POLR3A: variants seen among roughly 807,000 people sequenced by gnomAD.
POLR3A encodes the protein RNA polymerase III subunit A, also known as DNA-directed RNA polymerase III subunit RPC1.
POLR3A carries 112 observed loss-of-function variants against 152.8 expected under a neutral mutation model. That is an observed-to-expected ratio of 0.73 (90% CI 0.63 to 0.86). The LOEUF is 0.86. Among genes scored for constraint, POLR3A ranks in the 40% least tolerant of loss-of-function variants. The probability of loss-of-function intolerance (pLI) is 0.00; values close to 1 mark genes in which losing one functional copy is unlikely to be tolerated. For synonymous variants in POLR3A, 615 were observed against 652.1 expected, an observed-to-expected ratio of 0.94 and a Z score of 0.87; for missense variants, 1,385 against 1,743.1, an observed-to-expected ratio of 0.79 and a Z score of 3.66.
chr10:78,010,117 C>T, intron 12 of POLR3A, 126 bp from the exon 13 acceptor site: 1 of 1,246,614 alleles, frequency 8.0e-7, no homozygotes, highest in Non-Finnish European at 1.1e-6. Context: ...CAGCTGCTTA[C>T]TGGCTTTCTC....
rs554525124 is a variant in POLR3A at position 77,994,957 on chromosome 10, G to T, written c.2617-1590C>A. On this transcript the variant is annotated intron_variant, in intron 19 of 30. Transcript: ENST00000372371. ...AGGGAAGCCCATCAGACTAACAGCG[G>T]ATCTCTCGGCAGAAACTCTACAAGC... 9.2e-5 allele frequency among the ~76,000 whole-genome samples: 14 copies of T among 152,330 alleles called. No individual in the cohort carries two copies. In the East Asian group the frequency reaches 2.7e-3, roughly 29 times the overall value.
intron 29 of POLR3A, among the ~76,000 whole-genome samples, chr10:77,980,993 C>T (rs1475631546): frequency 6.6e-6 from 1 of 152,102 alleles, no homozygotes; most frequent in East Asian, 1.9e-4. Flanking sequence ...ACCAACCAAC[C>T]CACCTCAGCC....
chr10:78,005,496 T>A (rs1457089269), intron 15 of POLR3A, among the ~76,000 whole-genome samples: 1 of 152,214 alleles, frequency 6.6e-6, no homozygotes, highest in Non-Finnish European at 1.5e-5. Flanking sequence ...GGTGCCACCA[T>A]TGATCCTAGC....
At chr10:78,006,420 A>G (rs1307226787) in intron 15 of POLR3A, among the ~76,000 whole-genome samples, 1 of 150,536 alleles carries the variant, frequency 6.6e-6, no homozygotes, top group Non-Finnish European at 1.5e-5. Flanking sequence ...AAAAAAAAAA[A>G]AGAAACAAAA....
At chr10:78,008,469 T>C (rs551284630) in intron 14 of POLR3A, among the ~76,000 whole-genome samples, 1 of 152,202 alleles carries the variant, frequency 6.6e-6, no homozygotes, top group Admixed American at 6.5e-5. Context: ...TCAGAAGAAC[T>C]CTGCAATTCA....
rs1168482810 is a variant in POLR3A at position 78,017,531 on chromosome 10, CA to C, written c.1431+43del. ...ACTGTTTAGCACTGAACAGTCATGG[CA>C]AATTTCTACGTGATGGAAAATTTAA... On this transcript the variant is annotated intron_variant, in intron 10 of 30. Transcript: ENST00000372371. 3 of 1,604,454 alleles carry C rather than the reference CA, an allele frequency of 1.9e-6. No individual in the cohort carries two copies. In the East Asian group the frequency reaches 6.7e-5, roughly 36 times the overall value.
intron 19 of POLR3A, 38 bp downstream of exon 19, chr10:77,999,943 C>T (rs1166101693): frequency 1.9e-6 from 3 of 1,597,406 alleles, no homozygotes; most frequent in South Asian, 1.1e-5. Context: ...GAGCTCTGTC[C>T]TGCTCTGTTG....
At chr10:77,991,980 T>G (rs73298680) in intron 20 of POLR3A, among the ~76,000 whole-genome samples, 2,497 of 152,324 alleles carry the variant, frequency 0.016, 81 homozygotes, top group African/African-American at 0.057. Flanking sequence ...ATTCTTGGCA[T>G]AGTTAGACCA....
At position 77,980,260 on chromosome 10, in the gene POLR3A, C is replaced by A. The variant is rs1196891209; in HGVS notation, c.3905G>T (p.Gly1302Val). Reference protein sequence around the residue: ...DLMTYKGEVLGITRFGLAKMK... With the variant: ...DLMTYKGEVLVITRFGLAKMK... ...CTTGGCCAGGCCAAACCTAGTGATG[C>A]CCAGGACTTCACCCTGCGTCAAGGG... Residue 1302 changes from glycine to valine, a missense_variant, in exon 30 of 31, where the codon GGC becomes GTC. Gly to Val is a moderately radical substitution (Grantham distance 109). Around this residue, in one of 7 missense-constraint regions of POLR3A, gnomAD observed 332 missense variants for 400.1 expected, o/e 0.83. Transcript: ENST00000372371. 6.2e-7 allele frequency: 1 copy of A among 1,613,880 alleles called. No homozygotes were observed. The highest frequency in any genetic ancestry group is 8.5e-7 in the Non-Finnish European group (1 of 1,179,922).
At position 77,984,294 on chromosome 10, in the gene POLR3A, G is replaced by A; in HGVS notation, c.3247C>T (p.Pro1083Ser). The A allele has an allele frequency of 6.2e-7, 1 of 1,604,776 alleles. No homozygotes were observed. The highest frequency in any genetic ancestry group is 1.3e-5 in the African/African-American group (1 of 74,858). The change falls in exon 25 of 31, where the codon CCA (proline) becomes TCA (serine). Residue 1083 changes from proline (P) to serine (S), a missense_variant. Physicochemically the swap from Pro to Ser is moderately conservative, Grantham distance 74. Coordinates refer to ENST00000372371, the MANE Select transcript of POLR3A (RefSeq NM_007055.4). ...TTGTCTAGCTGTGCTGTGATAATTG[G>A]AGTGCTGTTGAGAAGCAAAGGAAAA... ...IINASKAIST[P>S]IITAQLDKDD...
At chr10:77,991,295 T>C (rs1847245855) in intron 20 of POLR3A, 128 bp from the exon 21 acceptor site, 4 of 696,758 alleles carry the variant, frequency 5.7e-6, no homozygotes, top group African/African-American at 1.8e-5. Context: ...GTGATTTTTC[T>C]TTCAAAACAA....
At chr10:77,978,661 T>TG in intron 30 of POLR3A, among the ~76,000 whole-genome samples, 1 of 122,604 alleles carries the variant, frequency 8.2e-6, no homozygotes, top group African/African-American at 4.4e-5. Flanking sequence ...TTCATGCTAG[T>TG]TTTTTTTTTT....
chr10:78,001,514 G>A (rs1476478941), intron 17 of POLR3A, among the ~76,000 whole-genome samples: 2 of 151,982 alleles, frequency 1.3e-5, no homozygotes, highest in African/African-American at 2.4e-5. Context: ...AGAGCAATGG[G>A]GTAAAAGGCA....
chr10:77,976,232 TG>T lies in POLR3A; in HGVS notation c.*1245del, dbSNP rs1847088018. On this transcript the variant is annotated 3_prime_UTR_variant, in exon 31 of 31. Transcript: ENST00000372371. The stretch of plus-strand genomic sequence containing the variant: ...ACAACCTCCACCTCCCAGGCTCAAG[TG>T]AACCTTCCACCTCAGCCTTACCAAT... The T allele has an allele frequency of 6.6e-6, 1 of 151,696 alleles. No individual in the cohort carries two copies. The highest frequency in any genetic ancestry group is 1.5e-5 in the Non-Finnish European group (1 of 67,956). 9.4% of individuals were successfully genotyped at this position (151,696 alleles called of 1,614,324 possible).
rs1041659469 is a variant in POLR3A at position 77,980,194 on chromosome 10, G to A, written c.3971C>T (p.Thr1324Met). 9 of 1,613,650 alleles carry A rather than the reference G, an allele frequency of 5.6e-6. No individual in the cohort carries two copies. The highest frequency in any genetic ancestry group is 1.1e-5 in the South Asian group (1 of 91,058). ...GGCAGCGTCAAAGAGATGGTCAGCCGTCTTCTCAAAGGAGGCCAGCATCAG... is the reference window on the plus strand; with the variant it reads ...GGCAGCGTCAAAGAGATGGTCAGCCATCTTCTCAAAGGAGGCCAGCATCAG... ...SVLMLASFEKTADHLFDAAYF... is the reference protein window; with the variant it reads ...SVLMLASFEKMADHLFDAAYF... The change falls in exon 30 of 31, where the codon ACG becomes ATG. Residue 1324 changes from threonine to methionine, a missense_variant. This residue lies in a region of POLR3A where 332 missense variants were observed against 400.1 expected (regional missense o/e 0.83). Transcript: ENST00000372371.
chr10:77,994,187 T>G (rs1487506592), intron 19 of POLR3A, among the ~76,000 whole-genome samples: 1 of 152,160 alleles, frequency 6.6e-6, no homozygotes, highest in Non-Finnish European at 1.5e-5. Flanking sequence ...TGAAAGATGA[T>G]TAATTGTATT....
intron 20 of POLR3A, 26 bp from the exon 21 acceptor site, chr10:77,991,193 T>C (rs1366594774): frequency 1.5e-5 from 20 of 1,324,126 alleles, no homozygotes; most frequent in Non-Finnish European, 2.2e-5. Flanking sequence ...AAAATTGCAT[T>C]ATGTGTGGGT....
At chr10:78,024,351 G>A (rs1028566539) in intron 5 of POLR3A, among the ~76,000 whole-genome samples, 198 bp downstream of exon 5, 4 of 144,936 alleles carry the variant, frequency 2.8e-5, no homozygotes, top group East Asian at 2.0e-4. Flanking sequence ...GTGAAAGAGC[G>A]AGACTCTGTC....
chr10:78,011,853 A>C (rs1310329395), intron 11 of POLR3A, among the ~76,000 whole-genome samples: 1 of 152,236 alleles, frequency 6.6e-6, no homozygotes, highest in Non-Finnish European at 1.5e-5. Flanking sequence ...ATGGTAACTA[A>C]GGATTCTTCT....
Sources: allele counts gnomAD v4.1 joint callset (sites outside exome capture counted in the v4.1 genomes callset), GRCh38; gene constraint gnomAD v4.1.1; regional missense constraint gnomAD v4.1.1; transcripts MANE v1.5; gene names NCBI Gene and HGNC (gene_info 2026-07-23, HGNC 2026-07-21).